The following YIPF7 variants were observed in gnomAD, a reference collection of about 807,000 sequenced individuals.
YIPF7 encodes the protein protein YIPF7.
In YIPF7, 35 loss-of-function variants were observed where a neutral mutation model predicts 27.2. The ratio of observed to expected loss-of-function variants is 1.29; its 90% CI spans 0.98 to 1.70. YIPF7 has a LOEUF of 1.70. Ranked by LOEUF, YIPF7 falls within the 40% of genes most tolerant of loss-of-function variation. The pLI is 0.00. For synonymous variants in YIPF7, 137 were observed against 110.4 expected, an observed-to-expected ratio of 1.24 and a Z score of -1.51; for missense variants, 358 against 303.7, an observed-to-expected ratio of 1.18 and a Z score of -1.33.
chr4:44,650,226 G>A, intron 1 of YIPF7, 125 bp from the exon 2 acceptor site: 1 of 692,312 alleles, frequency 1.4e-6, no homozygotes, highest in Non-Finnish European at 2.6e-6. Context: ...GATGTCCTTT[G>A]AATGGGGTCA....
intron 1 of YIPF7, 60 bp downstream of exon 1, chr4:44,651,494 C>T (rs1713737168): frequency 8.1e-7 from 1 of 1,234,584 alleles, no homozygotes. Flanking sequence ...ACAGTCCTTA[C>T]ATAACCGAGC....
intron 2 of YIPF7, among the ~76,000 whole-genome samples, chr4:44,656,972 C>G (rs1713918452): frequency 6.6e-6 from 1 of 152,090 alleles, no homozygotes; most frequent in Admixed American, 6.5e-5. Flanking sequence ...TTTCCTTTAG[C>G]AAAGAAAGGT....
At chr4:44,657,766 C>T (rs1200277945) in intron 2 of YIPF7, among the ~76,000 whole-genome samples, 2 of 152,160 alleles carry the variant, frequency 1.3e-5, no homozygotes, top group East Asian at 1.9e-4. Context: ...TGTAACGATG[C>T]TGCTTTTCTA....
At chr4:44,661,633 T>C (rs1196472258) in intron 1 of YIPF7, among the ~76,000 whole-genome samples, 1 of 152,206 alleles carries the variant, frequency 6.6e-6, no homozygotes, top group Non-Finnish European at 1.5e-5. Flanking sequence ...TATGTCATCT[T>C]CTTAACAACA....
intron 2 of YIPF7, among the ~76,000 whole-genome samples, chr4:44,644,751 G>A (rs1713464904): frequency 6.6e-6 from 1 of 152,046 alleles, no homozygotes; most frequent in Non-Finnish European, 1.5e-5. Context: ...AGGGTCCAGG[G>A]GTACAAGGAT....
chr4:44,629,617 T>G, intron 3 of YIPF7, 69 bp from the exon 4 acceptor site: 1 of 1,191,690 alleles, frequency 8.4e-7, no homozygotes, highest in South Asian at 1.9e-5. Flanking sequence ...AGTTACACTC[T>G]TTAAAGGTTA....
chr4:44,645,915 TA>T (rs1713510423), intron 2 of YIPF7, among the ~76,000 whole-genome samples: 1 of 152,124 alleles, frequency 6.6e-6, no homozygotes, highest in Non-Finnish European at 1.5e-5. Flanking sequence ...GAAAATAGAA[TA>T]AAGGCAGCAA....
intron 3 of YIPF7, among the ~76,000 whole-genome samples, chr4:44,634,629 C>A (rs1041459511): frequency 6.6e-6 from 1 of 152,002 alleles, no homozygotes; most frequent in Non-Finnish European, 1.5e-5. Flanking sequence ...TAGTATTTTA[C>A]TTTAAAGTAT....
Position 44,650,080 on chromosome 4 carries a change from A to C in YIPF7, c.21T>G (p.Phe7Leu), listed in dbSNP as rs1425596598. 5 of 1,572,074 alleles carry C rather than the reference A, an allele frequency of 3.2e-6. No homozygotes were observed. The Admixed American group carries it at 7.4e-5, about 23-fold the overall frequency. The change falls in exon 2 of 6, where the codon TTT becomes TTG. Residue 7 changes from phenylalanine to leucine, a missense_variant. Phe to Leu is a conservative substitution (Grantham distance 22, BLOSUM62 0). Coordinates refer to ENST00000415895, the MANE Select transcript of YIPF7 (RefSeq NM_182592.3). MSNLAQ[F>L]DSDFYQSNFT... ...AATTAGATTGGTAAAAATCAGAGTC[A>C]AATTGTGCCAAGTTTGACATCCTGA...
At position 44,633,358 on chromosome 4, in the gene YIPF7, T is replaced by G. The variant is rs537664463; in HGVS notation, c.280+2564A>C. On this transcript the variant is annotated intron_variant, in intron 3 of 5. Transcript: ENST00000415895. ...AGGAGGATGTATAGAAAGTGGTAAA[T>G]TAATGCAACAATAGAGACATTTCAG... is the stretch of plus-strand genomic sequence containing the variant. Among the ~76,000 whole-genome samples the G allele has an allele frequency of 2.8e-3, 429 of 152,270 alleles. 3 individuals carry two copies. The highest frequency in any genetic ancestry group is 4.8e-3 in the Non-Finnish European group (327 of 68,012).
intron 2 of YIPF7, among the ~76,000 whole-genome samples, chr4:44,646,990 C>T (rs757690813): frequency 1.8e-4 from 28 of 152,146 alleles, no homozygotes; most frequent in Non-Finnish European, 3.8e-4. Context: ...TTTCCTTTGA[C>T]GTACATAGTA....
At chr4:44,627,982 T>C (rs991909812) in intron 4 of YIPF7, among the ~76,000 whole-genome samples, 1 of 152,182 alleles carries the variant, frequency 6.6e-6, no homozygotes, top group Admixed American at 6.5e-5. Flanking sequence ...CTTTAAGGGA[T>C]AGTAACAGTA....
At chr4:44,630,929 C>A (rs1484286357) in intron 3 of YIPF7, among the ~76,000 whole-genome samples, 4 of 152,148 alleles carry the variant, frequency 2.6e-5, no homozygotes, top group Admixed American at 6.5e-5. Context: ...AATTGGTTAT[C>A]CTCCTTCTAT....
At chr4:44,654,088 G>C (rs1481728179), upstream of YIPF7, among the ~76,000 whole-genome samples, 1 of 152,066 alleles carries the variant, frequency 6.6e-6, no homozygotes, top group East Asian at 1.9e-4. Flanking sequence ...AAGACAAAAT[G>C]ACTTCAGCCT....
In YIPF7 at chr4:44,635,395, G is replaced by T. The variant is rs560167757; in HGVS notation, c.280+527C>A. Among the ~76,000 whole-genome samples the T allele has an allele frequency of 1.3e-4, 20 of 152,026 alleles. No individual in the cohort carries two copies. The South Asian group carries it at 3.7e-3, about 28-fold the overall frequency. On this transcript the variant is annotated intron_variant, in intron 3 of 5. Transcript: ENST00000415895. Reference sequence around the variant, plus strand: ...CAGCAGCATTATTTACTGGATTTATGTTCTTCCTCACCTACCCATGCCAAG... The same window carrying T: ...CAGCAGCATTATTTACTGGATTTATTTTCTTCCTCACCTACCCATGCCAAG...
At chr4:44,652,679 A>G (rs1713771310), upstream of YIPF7, among the ~76,000 whole-genome samples, 1 of 152,218 alleles carries the variant, frequency 6.6e-6, no homozygotes, top group Non-Finnish European at 1.5e-5. Context: ...TCTGTTGTAG[A>G]TGCCAGGGTT....
At chr4:44,658,178 G>A (rs1713952144) in intron 2 of YIPF7, among the ~76,000 whole-genome samples, 1 of 152,172 alleles carries the variant, frequency 6.6e-6, no homozygotes, top group Admixed American at 6.5e-5. Context: ...TGGAGGTGGA[G>A]TCTTTGGGAG....
intron 4 of YIPF7, chr4:44,629,159 A>G (rs947221391): frequency 1.4e-5 from 5 of 345,642 alleles, no homozygotes; most frequent in Non-Finnish European, 2.0e-5. Context: ...AACAAAAAAG[A>G]CATAAATGAT....
upstream of YIPF7, among the ~76,000 whole-genome samples, chr4:44,656,035 C>T (rs1340756624): frequency 1.3e-5 from 2 of 151,716 alleles, no homozygotes; most frequent in Non-Finnish European, 2.9e-5. Context: ...TTTTTTCCTG[C>T]CAAGACTTTG....
Sources: gnomAD v4.1 joint callset for allele counts (sites outside exome capture counted in the v4.1 genomes callset) on GRCh38, gnomAD v4.1.1 for gene constraint, MANE v1.5 for transcripts, NCBI Gene and HGNC (gene_info 2026-07-23, HGNC 2026-07-21) for gene names.